The following GLRA3 variants were observed in gnomAD, a reference collection of about 807,000 sequenced individuals.
GLRA3 encodes the protein glycine receptor alpha 3.
Under a neutral mutation model 60.4 loss-of-function variants are expected in GLRA3, and 44 were observed. The observed-to-expected ratio is 0.73, with a 90% confidence interval of 0.57 to 0.94. The LOEUF (loss-of-function observed/expected upper bound fraction) is 0.94. GLRA3 is among the 40% of genes least tolerant of loss of function. The pLI, the probability that GLRA3 is intolerant of heterozygous loss-of-function variation, is 0.00. For missense variants in GLRA3, 508 were observed against 564.6 expected, an observed-to-expected ratio of 0.90 and a Z score of 1.02; for synonymous variants, 223 against 192.9, an observed-to-expected ratio of 1.16 and a Z score of -1.29.
rs367996784 is a variant in GLRA3, at chr4:174,826,622, A to C, written c.71+2119T>G. On this transcript the variant is annotated intron_variant, in intron 1 of 9. Coordinates refer to ENST00000274093, the MANE Select transcript of GLRA3 (RefSeq NM_006529.4). ...AAAATCTTCAAAGCCTATGACATAA[A>C]AAGTCTGTACTAGTGAATTATTTAC... Among the ~76,000 whole-genome samples the C allele has an allele frequency of 3.3e-5, 5 of 152,328 alleles. No homozygotes were observed. In the East Asian group the frequency reaches 9.6e-4, roughly 29 times the overall value.
chr4:174,682,995 A>C, intron 5 of GLRA3, 56 bp from the exon 6 acceptor site: 1 of 1,391,908 alleles, frequency 7.2e-7, no homozygotes, highest in South Asian at 1.2e-5. Flanking sequence ...CAAAGAAAAG[A>C]AATGCAAATT....
intron 2 of GLRA3, among the ~76,000 whole-genome samples, chr4:174,779,621 A>T (rs1738781178): frequency 6.6e-6 from 1 of 152,180 alleles, no homozygotes; most frequent in Non-Finnish European, 1.5e-5. Context: ...TGCTTAAAGG[A>T]GCTGACGGAG....
intron 6 of GLRA3, among the ~76,000 whole-genome samples, chr4:174,679,148 G>T (rs141019707): frequency 1.3e-5 from 2 of 152,010 alleles, no homozygotes; most frequent in South Asian, 2.1e-4. Flanking sequence ...TGGCTAACCC[G>T]GTGCAACCCC....
rs367597913 is a variant in GLRA3, at chr4:174,766,977, C to T, written c.253G>A (p.Ala85Thr). 2.3e-5 allele frequency: 37 copies of T among 1,583,446 alleles called. No individual in the cohort carries two copies. Among genetic ancestry groups the T allele is most frequent in the East Asian group, 4.5e-5 (2 of 44,096 alleles). The change falls in exon 3 of 10, where the codon GCA becomes ACA. Residue 85 changes from alanine to threonine, a missense_variant. By Grantham distance (58) the Ala-to-Thr change is moderately conservative (BLOSUM62 0). Around this residue, in one of 3 missense-constraint regions of GLRA3, gnomAD observed 329 missense variants for 349.3 expected, o/e 0.94. Transcript: ENST00000274093. ...NIFINSFGSI[A>T]ETTMDYRVNI... Reference sequence around the variant, plus strand: ...AAAATGCCTACCATGGTCGTCTCTGCGATAGAGCCAAAGCTGTTGATGAAT... The same window carrying T: ...AAAATGCCTACCATGGTCGTCTCTGTGATAGAGCCAAAGCTGTTGATGAAT...
At chr4:174,714,747 T>C (rs1335161882) in intron 5 of GLRA3, among the ~76,000 whole-genome samples, 1 of 152,222 alleles carries the variant, frequency 6.6e-6, no homozygotes, top group Non-Finnish European at 1.5e-5. Flanking sequence ...TATTGCTTAA[T>C]TTTTATATGA....
intron 1 of GLRA3, among the ~76,000 whole-genome samples, chr4:174,801,488 T>G (rs1430291453): frequency 6.6e-6 from 1 of 152,096 alleles, no homozygotes; most frequent in Admixed American, 6.5e-5. Context: ...TCCACACAAG[T>G]TTGCTCTTTC....
intron 2 of GLRA3, among the ~76,000 whole-genome samples, chr4:174,768,440 A>G (rs1422436873): frequency 6.6e-6 from 1 of 152,128 alleles, no homozygotes; most frequent in Non-Finnish European, 1.5e-5. Flanking sequence ...GAAATTTCTT[A>G]TTAATGCCCG....
rs1268624266 is a variant in GLRA3 at position 174,828,835 on chromosome 4, C to G, written c.-24G>C. 6.6e-7 allele frequency: 1 copy of G among 1,509,120 alleles called. No individual in the cohort carries two copies. Among genetic ancestry groups the G allele is most frequent in the East Asian group, 2.3e-5 (1 of 44,332 alleles). The allele number at this position is 1,509,120 out of a possible 1,614,324, so 93.5% of individuals were successfully genotyped here. On this transcript the variant is annotated 5_prime_UTR_variant, in exon 1 of 10. Coordinates refer to ENST00000274093, the MANE Select transcript of GLRA3 (RefSeq NM_006529.4). ...ATGATACGGAGAGATATTCACGATC[C>G]TGAAAATAGTCTTATCCAAGGCATG...
chr4:174,828,962 G>C lies in GLRA3; in HGVS notation c.-151C>G, dbSNP rs1741093025. ...TCAGCACCTTAGACAGCTCCCCGCA[G>C]TATGCGGACCCCTTCTCAGCATTGA... On this transcript the variant is annotated 5_prime_UTR_variant, in exon 1 of 10. Coordinates refer to ENST00000274093, the MANE Select transcript of GLRA3 (RefSeq NM_006529.4). 1 of 639,500 alleles carries C rather than the reference G, an allele frequency of 1.6e-6. No homozygotes were observed. The highest frequency in any genetic ancestry group is 1.8e-5 in the African/African-American group (1 of 55,762). 39.6% of individuals were successfully genotyped at this position (639,500 alleles called of 1,614,324 possible). A position where few individuals can be genotyped will look rare whatever the true frequency, so the allele number is the denominator to read the frequency against.
chr4:174,802,955 A>G (rs1342748194), intron 1 of GLRA3, among the ~76,000 whole-genome samples: 1 of 152,082 alleles, frequency 6.6e-6, no homozygotes, highest in African/African-American at 2.4e-5. Context: ...CCAGTGATAA[A>G]TTATATATCG....
chr4:174,678,270 T>A (rs1343588320), intron 6 of GLRA3, among the ~76,000 whole-genome samples: 2 of 152,182 alleles, frequency 1.3e-5, no homozygotes, highest in Admixed American at 6.5e-5. Flanking sequence ...GTCGATATTT[T>A]TTGCTTGTGT....
At chr4:174,676,626 GCA>G (rs1734128157) in intron 7 of GLRA3, among the ~76,000 whole-genome samples, 1 of 151,760 alleles carries the variant, frequency 6.6e-6, no homozygotes, top group South Asian at 2.1e-4. Flanking sequence ...ATAGACACAG[GCA>G]CACACACATA....
chr4:174,717,045 T>C (rs1404193733), intron 4 of GLRA3, among the ~76,000 whole-genome samples: 2 of 150,386 alleles, frequency 1.3e-5, no homozygotes, highest in African/African-American at 4.9e-5. Flanking sequence ...TACAAATATA[T>C]ATATATATAT....
chr4:174,639,242 G>T lies in GLRA3; in HGVS notation c.*4544C>A, dbSNP rs969328307. 1 of 152,024 alleles carries T rather than the reference G, an allele frequency of 6.6e-6. No individual in the cohort carries two copies. The allele number at this position is 152,024 out of a possible 1,614,324, so 9.4% of individuals were successfully genotyped here. A position where few individuals can be genotyped will look rare whatever the true frequency, so the allele number is the denominator to read the frequency against. Reference sequence around the variant, plus strand: ...AGCTGGCCAAATCGAATGACTGCATGGTTCATATTTTCCACCAGGAATCAC... The same window carrying T: ...AGCTGGCCAAATCGAATGACTGCATTGTTCATATTTTCCACCAGGAATCAC... On this transcript the variant is annotated 3_prime_UTR_variant, in exon 10 of 10. Transcript: ENST00000274093.
At chr4:174,759,975 T>C (rs1737876185) in intron 3 of GLRA3, among the ~76,000 whole-genome samples, 1 of 152,150 alleles carries the variant, frequency 6.6e-6, no homozygotes, top group African/African-American at 2.4e-5. Flanking sequence ...CAAAGAAGCA[T>C]AGAGTATTAA....
chr4:174,734,365 C>T lies in GLRA3; in HGVS notation c.268-5667G>A, dbSNP rs1305877694. On this transcript the variant is annotated intron_variant, in intron 3 of 9. Transcript: ENST00000274093. ...ATCTCTGTAATATCCCCCATGTTGC[C>T]TATACCATCTGCTCTAAGAACCCCG... Among the ~76,000 whole-genome samples the T allele has an allele frequency of 2.6e-5, 4 of 152,282 alleles. No homozygotes were observed. In the East Asian group the frequency reaches 7.7e-4, roughly 29 times the overall value.
intron 9 of GLRA3, among the ~76,000 whole-genome samples, chr4:174,648,304 T>C (rs950971953): frequency 3.3e-5 from 5 of 151,354 alleles, no homozygotes; most frequent in South Asian, 4.2e-4. Flanking sequence ...CTACTAAAAA[T>C]ACAAAAAAAA....
At chr4:174,655,008 C>G (rs1733148341) in intron 9 of GLRA3, among the ~76,000 whole-genome samples, 1 of 152,142 alleles carries the variant, frequency 6.6e-6, no homozygotes. Context: ...AATGCTGAGC[C>G]TAGTTAAAAC....
intron 1 of GLRA3, among the ~76,000 whole-genome samples, chr4:174,812,684 A>G (rs1175853844): frequency 6.6e-6 from 1 of 152,162 alleles, no homozygotes; most frequent in Admixed American, 6.5e-5. Context: ...ATAGAATTAT[A>G]TTCTTTTTAA....
Sources: gnomAD v4.1 joint callset for allele counts (sites outside exome capture counted in the v4.1 genomes callset) on GRCh38, gnomAD v4.1.1 for gene constraint, gnomAD v4.1.1 regional missense constraint, MANE v1.5 for transcripts, NCBI Gene and HGNC (gene_info 2026-07-23, HGNC 2026-07-21) for gene names.